Variants in PPP2R2B observed in about 807,000 individuals in gnomAD.
The protein encoded by PPP2R2B is serine/threonine-protein phosphatase 2A 55 kDa regulatory subunit B beta isoform.
PPP2R2B carries 5 observed loss-of-function variants against 46.0 expected under a neutral mutation model. The ratio of observed to expected loss-of-function variants is 0.11; its 90% CI spans 0.06 to 0.23. The LOEUF is 0.23. Ranked by LOEUF, PPP2R2B falls within the 10% of genes least tolerant of loss-of-function variation. PPP2R2B has a pLI of 1.00. For missense variants in PPP2R2B, 367 were observed against 575.0 expected (o/e 0.64, Z 3.70); for synonymous variants, 215 against 206.7 (o/e 1.04, Z -0.34).
At chr5:146,911,908 A>T (rs1003302490) in intron 1 of PPP2R2B, among the ~76,000 whole-genome samples, 3 of 152,210 alleles carry the variant, frequency 2.0e-5, no homozygotes, top group African/African-American at 7.2e-5. Flanking sequence ...TCACATGCAC[A>T]AAGCTCTGAT....
At chr5:146,703,467 C>T (rs1779655178) in intron 2 of PPP2R2B, among the ~76,000 whole-genome samples, 1 of 152,138 alleles carries the variant, frequency 6.6e-6, no homozygotes, top group Admixed American at 6.5e-5. Context: ...TAATGCAGAA[C>T]ACTAGAGTTC....
chr5:146,970,647 C>T (rs1273620321), intron 1 of PPP2R2B, among the ~76,000 whole-genome samples: 1 of 151,942 alleles, frequency 6.6e-6, no homozygotes, highest in East Asian at 1.9e-4. Flanking sequence ...GGTTAGACCC[C>T]TCAGAAATGA....
intron 1 of PPP2R2B, among the ~76,000 whole-genome samples, chr5:146,886,378 A>AAAT (rs1762327811): frequency 2.0e-5 from 3 of 151,464 alleles, no homozygotes; most frequent in Admixed American, 6.6e-5. Flanking sequence ...TAATAAAACT[A>AAAT]AAATAAAATA....
At chr5:146,796,733 G>T (rs1169911413) in intron 2 of PPP2R2B, among the ~76,000 whole-genome samples, 3 of 152,184 alleles carry the variant, frequency 2.0e-5, no homozygotes, top group African/African-American at 4.8e-5. Flanking sequence ...GGAAGTCTCT[G>T]TTCCCAGTTA....
chr5:146,839,109 T>C (rs1482882723), intron 2 of PPP2R2B, among the ~76,000 whole-genome samples: 2 of 152,208 alleles, frequency 1.3e-5, no homozygotes, highest in South Asian at 4.1e-4. Context: ...TAAATACTCT[T>C]CTTCATTCAG....
At position 146,649,471 on chromosome 5, in the gene PPP2R2B, G is replaced by A. The variant is rs193026746; in HGVS notation, c.625+1076C>T. Among the ~76,000 whole-genome samples, 960 of 151,228 alleles carry A rather than the reference G, an allele frequency of 6.3e-3. 22 individuals are homozygous for A. The highest frequency in any genetic ancestry group is 0.042 in the Admixed American group (631 of 15,188). On this transcript the variant is annotated intron_variant, in intron 6 of 9. Transcript: ENST00000394411. ...ATTTTTATTATTTTTTTGAGATGGA[G>A]TCTGGCTCTGTCACCCAGACTGGAG...
chr5:146,671,434 C>CT, intron 5 of PPP2R2B, among the ~76,000 whole-genome samples: 1 of 152,284 alleles, frequency 6.6e-6, no homozygotes, highest in East Asian at 1.9e-4. Flanking sequence ...TGTCTGGACA[C>CT]TGAAGGCCTC....
chr5:146,933,966 A>G (rs1764054061), intron 1 of PPP2R2B, among the ~76,000 whole-genome samples: 1 of 151,902 alleles, frequency 6.6e-6, no homozygotes, highest in Non-Finnish European at 1.5e-5. Flanking sequence ...TTTACTGAGA[A>G]TGATGATTTC....
rs1322646290 is a variant in PPP2R2B, at chr5:146,584,614, G to A, written c.*5333C>T. The A allele has an allele frequency of 3.3e-5, 5 of 152,170 alleles. No individual in the cohort carries two copies. Among genetic ancestry groups the A allele is most frequent in the African/African-American group, 9.7e-5 (4 of 41,444 alleles). 9.4% of individuals were successfully genotyped at this position (152,170 alleles called of 1,614,324 possible). A position where few individuals can be genotyped will look rare whatever the true frequency, so the allele number is the denominator to read the frequency against. On this transcript the variant is annotated 3_prime_UTR_variant, in exon 10 of 10. Transcript: ENST00000394411. The stretch of plus-strand genomic sequence containing the variant: ...GGAATAATACATCTACCTATCAGGT[G>A]ATTAACAATGATTTAAAACAGTGCC...
At chr5:146,826,216 C>T (rs764575536) in intron 2 of PPP2R2B, among the ~76,000 whole-genome samples, 1 of 152,100 alleles carries the variant, frequency 6.6e-6, no homozygotes, top group Non-Finnish European at 1.5e-5. Context: ...AATTAAATAT[C>T]CTGCCCAACA....
chr5:146,706,776 T>G (rs112645592), intron 2 of PPP2R2B: 3 of 813,634 alleles, frequency 3.7e-6, no homozygotes, highest in East Asian at 4.9e-5. Flanking sequence ...ATCTGATACA[T>G]GCTCTCGGCC....
At chr5:146,850,174 A>G (rs1442212434) in intron 2 of PPP2R2B, among the ~76,000 whole-genome samples, 1 of 152,134 alleles carries the variant, frequency 6.6e-6, no homozygotes, top group Non-Finnish European at 1.5e-5. Context: ...CTCATCTTGA[A>G]TCTTTTGCCA....
intron 1 of PPP2R2B, among the ~76,000 whole-genome samples, chr5:147,019,388 A>G (rs569411300): frequency 2.1e-4 from 32 of 152,288 alleles, no homozygotes; most frequent in African/African-American, 7.7e-4. Flanking sequence ...GAAGAAAGTT[A>G]ATAAGATCAT....
At chr5:146,592,660 G>A (rs180988899) in intron 9 of PPP2R2B, among the ~76,000 whole-genome samples, 5 of 152,310 alleles carry the variant, frequency 3.3e-5, no homozygotes, top group African/African-American at 4.8e-5. Flanking sequence ...ATTTGCTGGT[G>A]GATAAGTGAT....
chr5:147,029,318 T>C (rs1003189988), intron 1 of PPP2R2B, among the ~76,000 whole-genome samples: 3 of 152,252 alleles, frequency 2.0e-5, no homozygotes, highest in Admixed American at 6.5e-5. Context: ...AATTGCTTTA[T>C]GTGCCTGTGG....
At chr5:146,786,837 A>T (rs1464084728) in intron 2 of PPP2R2B, among the ~76,000 whole-genome samples, 4 of 152,232 alleles carry the variant, frequency 2.6e-5, no homozygotes, top group African/African-American at 9.6e-5. Context: ...AAGCAATAAA[A>T]AGGTGAGGCC....
At chr5:146,835,722 T>C (rs1037256249) in intron 2 of PPP2R2B, among the ~76,000 whole-genome samples, 1 of 152,148 alleles carries the variant, frequency 6.6e-6, no homozygotes, top group Non-Finnish European at 1.5e-5. Context: ...TATCCCACGC[T>C]TCCTCTCCAG....
At chr5:146,962,159 G>C (rs566999357) in intron 1 of PPP2R2B, among the ~76,000 whole-genome samples, 1 of 146,788 alleles carries the variant, frequency 6.8e-6, no homozygotes, top group Admixed American at 6.9e-5. Context: ...TTCCACACGT[G>C]TACTCTGAGC....
intron 5 of PPP2R2B, among the ~76,000 whole-genome samples, chr5:146,687,806 C>G (rs776918314): frequency 7.9e-5 from 12 of 152,114 alleles, no homozygotes; most frequent in Non-Finnish European, 1.6e-4. Flanking sequence ...TGAAACAGAA[C>G]AGGTTCATTA....
Sources: allele counts gnomAD v4.1 joint callset (sites outside exome capture counted in the v4.1 genomes callset), GRCh38; gene constraint gnomAD v4.1.1; transcripts MANE v1.5; gene names NCBI Gene and HGNC (gene_info 2026-07-23, HGNC 2026-07-21).